Variants in SLC48A1 observed in about 807,000 individuals in gnomAD.
SLC48A1 encodes solute carrier family 48 member 1.
SLC48A1 carries 6 observed loss-of-function variants against 14.8 expected under a neutral mutation model. The ratio of observed to expected loss-of-function variants is 0.41; its 90% CI spans 0.22 to 0.80. The LOEUF (loss-of-function observed/expected upper bound fraction) is 0.80, where lower values mean the gene tolerates loss of function less well. Ranked by LOEUF, SLC48A1 falls within the 30% of genes least tolerant of loss-of-function variation. The pLI is 0.34. For missense variants in SLC48A1, 165 were observed against 204.8 expected, an observed-to-expected ratio of 0.81 and a Z score of 1.19; for synonymous variants, 89 against 90.0, an observed-to-expected ratio of 0.99 and a Z score of 0.06.
In SLC48A1 at chr12:47,776,738, C is replaced by CA. The variant is rs1285118890; in HGVS notation, c.137-2289dup. ...GCTGTCTTCCTCTCCCTCCTGCCCT[C>CA]AGCCCTCTTTGGTATGTGCATGTAC... is the stretch of plus-strand genomic sequence containing the variant. On this transcript the variant is annotated intron_variant, in intron 1 of 2. Coordinates refer to ENST00000442218, the MANE Select transcript of SLC48A1 (RefSeq NM_017842.3). Among the ~76,000 whole-genome samples, 6 of 152,298 alleles carry CA rather than the reference C, an allele frequency of 3.9e-5. No homozygotes were observed. In the East Asian group the frequency reaches 1.2e-3, roughly 29 times the overall value.
At chr12:47,755,613 G>T (rs908742941), upstream of SLC48A1, 2 of 152,082 alleles carry the variant, frequency 1.3e-5, no homozygotes, top group Admixed American at 1.3e-4. Context: ...TGTCACTTTT[G>T]CAATAGCTGT....
At chr12:47,756,164 C>A (rs1942039746), upstream of SLC48A1, 1 of 152,254 alleles carries the variant, frequency 6.6e-6, no homozygotes, top group South Asian at 2.1e-4. Context: ...CCCTGCACAC[C>A]AGCCCTTCAT....
chr12:47,767,391 T>C (rs1592599908), upstream of SLC48A1, among the ~76,000 whole-genome samples: 4 of 152,310 alleles, frequency 2.6e-5, 1 homozygote, highest in Admixed American at 2.6e-4. Context: ...GTATTGAATA[T>C]TTATTGAGTT....
At position 47,780,112 on chromosome 12, in the gene SLC48A1, C is replaced by A. The variant is rs531762249; in HGVS notation, c.305-33C>A. 9 of 1,515,696 alleles carry A rather than the reference C, an allele frequency of 5.9e-6. No homozygotes were observed. In the African/African-American group the frequency reaches 1.2e-4, roughly 21 times the overall value. 93.9% of individuals were successfully genotyped at this position (1,515,696 alleles called of 1,614,324 possible). On this transcript the variant is annotated intron_variant, in intron 2 of 2. Transcript: ENST00000442218. ...GTGCAGAGGCCGAGGGCAGGGCCTG[C>A]CAAAGTCACTGTCGGTACTTCTCTC...
intron 2 of SLC48A1, among the ~76,000 whole-genome samples, chr12:47,762,842 A>G (rs958580777): frequency 3.3e-5 from 5 of 152,208 alleles, no homozygotes; most frequent in African/African-American, 1.2e-4. Context: ...ATGCAATGCC[A>G]CAAGAATATT....
intron 2 of SLC48A1, among the ~76,000 whole-genome samples, chr12:47,766,250 C>A (rs1942512895): frequency 6.6e-6 from 1 of 152,160 alleles, no homozygotes; most frequent in South Asian, 2.1e-4. Flanking sequence ...ATCTGAAGGG[C>A]AAATATTGAT....
In SLC48A1 at chr12:47,773,570, G is replaced by T. The variant is rs935271256; in HGVS notation, c.136+130G>T. 43 of 1,212,802 alleles carry T rather than the reference G, an allele frequency of 3.5e-5. No homozygotes were observed. The African/African-American group carries it at 5.7e-4, about 16-fold the overall frequency. The allele number at this position is 1,212,802 out of a possible 1,614,324, so 75.1% of individuals were successfully genotyped here. ...GGTGGAGTGTTTACTCGAAAACAGC[G>T]GTTGGCGGCGGCAGGCCCCACGCGG... On this transcript the variant is annotated intron_variant, in intron 1 of 2. Transcript: ENST00000442218.
rs552255633 is a variant in SLC48A1, at chr12:47,764,041, A to C, written c.-187+3640A>C. 7.0e-4 allele frequency among the ~76,000 whole-genome samples: 106 copies of C among 152,312 alleles called. 1 individual carries two copies. In the Middle Eastern group the frequency reaches 0.014, roughly 20 times the overall value. On this transcript the variant is annotated intron_variant, in intron 2 of 4. Transcript: ENST00000547002. ...CGGGCAGGGCTGGAGAGGTCCCTAG[A>C]AGGGAGGGAAGCAGCCTGCCTCCCG...
At chr12:47,759,211 A>G (rs957979243) in intron 1 of SLC48A1, 94 of 655,744 alleles carry the variant, frequency 1.4e-4, no homozygotes, top group Non-Finnish European at 1.7e-4. Context: ...GAAACCGGGG[A>G]GAGCGGGGAG....
At chr12:47,767,145 G>A (rs1255405483), upstream of SLC48A1, among the ~76,000 whole-genome samples, 1 of 151,396 alleles carries the variant, frequency 6.6e-6, no homozygotes, top group Non-Finnish European at 1.5e-5. Flanking sequence ...GCACAGCCTC[G>A]GGTTGCCACA....
exon 2 of SLC48A1, chr12:47,760,271 C>T (rs1342049451): frequency 6.1e-6 from 6 of 985,288 alleles, no homozygotes; most frequent in Non-Finnish European, 7.2e-6. Context: ...AATGCCTCTC[C>T]GGGGAAGGAG....
intron 2 of SLC48A1, among the ~76,000 whole-genome samples, chr12:47,761,083 G>A (rs1156396767): frequency 6.6e-6 from 1 of 151,896 alleles, no homozygotes; most frequent in Non-Finnish European, 1.5e-5. Flanking sequence ...TGGAATCCCA[G>A]CTACTCAGGA....
At chr12:47,758,593 G>A in exon 1 of SLC48A1, 5 of 1,613,338 alleles carry the variant, frequency 3.1e-6, no homozygotes, top group Non-Finnish European at 4.2e-6. Context: ...GCAGGCTCTA[G>A]CAAAAGGCTG....
intron 2 of SLC48A1, among the ~76,000 whole-genome samples, chr12:47,766,193 G>C (rs143588598): frequency 6.6e-6 from 1 of 152,162 alleles, no homozygotes; most frequent in Non-Finnish European, 1.5e-5. Flanking sequence ...ACTGATGAAG[G>C]CTCCATGGTG....
At chr12:47,758,444 T>C (rs1942235484), upstream of SLC48A1, 3 of 1,576,168 alleles carry the variant, frequency 1.9e-6, no homozygotes, top group Admixed American at 5.4e-5. Context: ...TCTCCTCTCC[T>C]CCTCAGCCCT....
At chr12:47,756,657 C>T (rs1942071478), upstream of SLC48A1, among the ~76,000 whole-genome samples, 1 of 152,080 alleles carries the variant, frequency 6.6e-6, no homozygotes, top group East Asian at 1.9e-4. Context: ...TTATTCCACT[C>T]AAAAGGACTT....
chr12:47,755,470 G>T (rs941493044), upstream of SLC48A1, among the ~76,000 whole-genome samples: 2 of 152,126 alleles, frequency 1.3e-5, no homozygotes, highest in African/African-American at 4.8e-5. Context: ...CACACAAAGA[G>T]AATCATCTCA....
In SLC48A1 at chr12:47,777,210, A is replaced by G. The variant is rs918932523; in HGVS notation, c.137-1818A>G. Reference sequence around the variant, plus strand: ...AAGCTGCAGGATGATTGTCCTGTCCACCTCTGGCCCACTCCAGCATCCAGA... The same window carrying G: ...AAGCTGCAGGATGATTGTCCTGTCCGCCTCTGGCCCACTCCAGCATCCAGA... On this transcript the variant is annotated intron_variant, in intron 1 of 2. Coordinates refer to ENST00000442218, the MANE Select transcript of SLC48A1 (RefSeq NM_017842.3). This position sits in a 1 kb window ranked among gnomAD's most constrained non-coding sequence, Gnocchi z 4.5. Among the ~76,000 whole-genome samples the G allele has an allele frequency of 1.3e-5, 2 of 152,104 alleles. No individual in the cohort carries two copies. Among genetic ancestry groups the G allele is most frequent in the African/African-American group, 4.8e-5 (2 of 41,412 alleles).
At chr12:47,778,057 TTCC>T (rs1360074268) in intron 1 of SLC48A1, among the ~76,000 whole-genome samples, 7 of 152,234 alleles carry the variant, frequency 4.6e-5, no homozygotes, top group African/African-American at 1.7e-4. Context: ...CTCTGCCTCC[TTCC>T]TCATTTGTCC....
Sources: gnomAD v4.1 joint callset for allele counts (sites outside exome capture counted in the v4.1 genomes callset) on GRCh38, gnomAD v4.1.1 for gene constraint, Gnocchi (gnomAD v3.1) non-coding constraint, MANE v1.5 for transcripts, NCBI Gene and HGNC (gene_info 2026-07-23, HGNC 2026-07-21) for gene names.